IQCM: variants seen among roughly 807,000 people sequenced by gnomAD.
The protein encoded by IQCM is IQ domain-containing protein M.
Under a neutral mutation model 57.6 loss-of-function variants are expected in IQCM, and 45 were observed. The ratio of observed to expected loss-of-function variants is 0.78; its 90% confidence interval spans 0.62 to 1.00. IQCM has a LOEUF of 1.00. Ranked by LOEUF, IQCM falls within the 50% of genes least tolerant of loss-of-function variation. The pLI is 0.00. For synonymous variants in IQCM, 148 were observed against 158.9 expected, an observed-to-expected ratio of 0.93 and a Z score of 0.51; for missense variants, 468 against 511.6, an observed-to-expected ratio of 0.91 and a Z score of 0.82.
intron 12 of IQCM, among the ~76,000 whole-genome samples, chr4:149,515,844 G>A (rs1390042918): frequency 6.6e-6 from 1 of 152,220 alleles, no homozygotes; most frequent in East Asian, 1.9e-4. Context: ...GAAAAGGTAT[G>A]TGGATGGACC....
At chr4:149,353,468 A>G (rs1181386908) in intron 13 of IQCM, among the ~76,000 whole-genome samples, 1 of 152,202 alleles carries the variant, frequency 6.6e-6, no homozygotes, top group Non-Finnish European at 1.5e-5. Context: ...CCACCTTGTA[A>G]AGATTATCTA....
Position 149,351,784 on chromosome 4 carries a change from T to C in IQCM, c.*167A>G. Reference sequence around the variant, plus strand: ...ATGAAGGAGATCAAATGAATGGTGTTCATCCAAAAATACTAGAAATTATAG... The same window carrying C: ...ATGAAGGAGATCAAATGAATGGTGTCCATCCAAAAATACTAGAAATTATAG... On this transcript the variant is annotated 3_prime_UTR_variant, in exon 14 of 14. Transcript: ENST00000636793. 2.6e-6 allele frequency: 1 copy of C among 387,958 alleles called. No homozygotes were observed. The highest frequency in any genetic ancestry group is 4.5e-6 in the Non-Finnish European group (1 of 220,260). The allele number at this position is 387,958 out of a possible 1,614,324, so 24.0% of individuals were successfully genotyped here.
At chr4:149,679,415 T>C (rs1348241731) in intron 7 of IQCM, among the ~76,000 whole-genome samples, 2 of 151,496 alleles carry the variant, frequency 1.3e-5, no homozygotes, top group Non-Finnish European at 3.0e-5. Context: ...TGTAAATATA[T>C]GGGTTGCCAG....
At chr4:149,572,532 T>A (rs1376198537) in intron 9 of IQCM, among the ~76,000 whole-genome samples, 2 of 151,946 alleles carry the variant, frequency 1.3e-5, no homozygotes, top group Non-Finnish European at 2.9e-5. Flanking sequence ...ATATCTCTAT[T>A]AAAAGATATA....
chr4:149,672,931 G>A (rs1005456372), intron 7 of IQCM, among the ~76,000 whole-genome samples: 6 of 152,060 alleles, frequency 3.9e-5, no homozygotes, highest in South Asian at 2.1e-4. Flanking sequence ...CAGATCTTTC[G>A]GCAGAAACTC....
intron 7 of IQCM, among the ~76,000 whole-genome samples, chr4:149,675,526 G>T (rs906171185): frequency 6.6e-6 from 1 of 152,014 alleles, no homozygotes; most frequent in South Asian, 2.1e-4. Context: ...CTGAGTTTTT[G>T]CTGGCTATGA....
chr4:149,602,050 A>G (rs920224061), intron 8 of IQCM, among the ~76,000 whole-genome samples: 55 of 151,646 alleles, frequency 3.6e-4, no homozygotes, highest in East Asian at 7.7e-4. Flanking sequence ...AAAAAAAAAA[A>G]AAAAAGAAAA....
At chr4:149,728,332 T>G (rs1260943763) in intron 5 of IQCM, among the ~76,000 whole-genome samples, 1 of 152,210 alleles carries the variant, frequency 6.6e-6, no homozygotes, top group Non-Finnish European at 1.5e-5. Flanking sequence ...TCCAATTTAC[T>G]TGTGATGTAC....
At chr4:149,443,683 GGAAAGGA>G (rs1736201889) in intron 12 of IQCM, among the ~76,000 whole-genome samples, 1 of 98,962 alleles carries the variant, frequency 1.0e-5, no homozygotes, top group African/African-American at 3.6e-5. Context: ...GGAAAGGAAA[GGAAAGGA>G]AAGGAAAGGA....
chr4:149,806,923 A>T (rs748900044), intron 2 of IQCM, among the ~76,000 whole-genome samples: 1 of 151,966 alleles, frequency 6.6e-6, no homozygotes, highest in Admixed American at 6.6e-5. Flanking sequence ...CCCATTTACA[A>T]TAGCTACAAA....
intron 7 of IQCM, among the ~76,000 whole-genome samples, chr4:149,633,723 AAACTACTCTACG>A (rs1757488568): frequency 6.6e-6 from 1 of 152,216 alleles, no homozygotes; most frequent in Non-Finnish European, 1.5e-5. Context: ...TCCTCCAGTT[AAACTACTCTACG>A]ACCTTAACCT....
intron 12 of IQCM, among the ~76,000 whole-genome samples, chr4:149,521,042 T>C (rs980612021): frequency 6.6e-6 from 1 of 152,094 alleles, no homozygotes; most frequent in African/African-American, 2.4e-5. Context: ...ACCCACTCTT[T>C]TCTGCAGTTT....
At chr4:149,639,388 T>G (rs1367708502) in intron 7 of IQCM, among the ~76,000 whole-genome samples, 8 of 145,010 alleles carry the variant, frequency 5.5e-5, no homozygotes, top group Non-Finnish European at 1.2e-4. Flanking sequence ...ATCGTGCCGC[T>G]GCACTCCAGC....
intron 2 of IQCM, among the ~76,000 whole-genome samples, chr4:149,761,559 A>G (rs2149963945): frequency 6.6e-6 from 1 of 152,238 alleles, no homozygotes; most frequent in Admixed American, 6.6e-5. Context: ...CAGCACTTAC[A>G]CTATCTATCC....
intron 13 of IQCM, among the ~76,000 whole-genome samples, chr4:149,425,634 C>A (rs1734414680): frequency 6.6e-6 from 1 of 151,964 alleles, no homozygotes; most frequent in Admixed American, 6.6e-5. Context: ...CCACCTGCCT[C>A]AATGAGGGAA....
At chr4:149,541,828 C>T (rs1579423730) in intron 12 of IQCM, among the ~76,000 whole-genome samples, 1 of 151,994 alleles carries the variant, frequency 6.6e-6, no homozygotes, top group Admixed American at 6.6e-5. Flanking sequence ...CACTTGGTGT[C>T]GTACACTAAA....
At position 149,553,152 on chromosome 4, in the gene IQCM, G is replaced by T; in HGVS notation, c.1084C>A (p.Arg362=). ...TGTCTGCATCACTTACATTTTTTTC[G>T]GTCCATCCACTCCTCTAGCTCTGCT... ...NLAELEEWMD[R]KKFYEIMFAK... is the part of the protein sequence containing the mutation. Residue 362 remains arginine, a synonymous_variant, in exon 11 of 14, where the codon CGA becomes AGA. Coordinates refer to ENST00000636793, the MANE Select transcript of IQCM (RefSeq NM_001363507.2). The T allele has an allele frequency of 8.1e-7, 1 of 1,231,278 alleles. No homozygotes were observed. The allele number at this position is 1,231,278 out of a possible 1,614,324, so 76.3% of individuals were successfully genotyped here.
Position 149,770,844 on chromosome 4 carries a change from G to A in IQCM, c.-48-28105C>T, listed in dbSNP as rs1167736191. 3.9e-5 allele frequency among the ~76,000 whole-genome samples: 6 copies of A among 151,966 alleles called. No homozygotes were observed. The South Asian group carries it at 1.0e-3, about 26-fold the overall frequency. On this transcript the variant is annotated intron_variant, in intron 2 of 13. Coordinates refer to ENST00000636793, the MANE Select transcript of IQCM (RefSeq NM_001363507.2). ...ATACTTAAATTAACAGTGTAAGACT[G>A]AACAATTTTCCCCCTAGGGTCAGGA... is the stretch of plus-strand genomic sequence containing the variant.
chr4:149,469,667 A>T (rs1235221780), intron 12 of IQCM, among the ~76,000 whole-genome samples: 1 of 152,184 alleles, frequency 6.6e-6, no homozygotes, highest in Non-Finnish European at 1.5e-5. Context: ...AAGACACATA[A>T]TTGTCAGATT....
Sources: allele counts gnomAD v4.1 joint callset (sites outside exome capture counted in the v4.1 genomes callset), GRCh38; gene constraint gnomAD v4.1.1; transcripts MANE v1.5; gene names NCBI Gene and HGNC (gene_info 2026-07-23, HGNC 2026-07-21).